Variants in RPS6KA1 observed in about 807,000 individuals in gnomAD.
RPS6KA1 encodes the protein ribosomal protein S6 kinase alpha-1.
Under a neutral mutation model 91.3 loss-of-function variants are expected in RPS6KA1, and 48 were observed. The ratio of observed to expected loss-of-function variants is 0.53; its 90% confidence interval spans 0.42 to 0.67. The LOEUF is 0.67. Ranked by LOEUF, RPS6KA1 falls within the 30% of genes least tolerant of loss-of-function variation. The pLI is 0.00. For missense variants in RPS6KA1, 719 were observed against 960.5 expected, an observed-to-expected ratio of 0.75 and a Z score of 3.32; for synonymous variants, 359 against 384.7, an observed-to-expected ratio of 0.93 and a Z score of 0.78.
intron 17 of RPS6KA1, among the ~76,000 whole-genome samples, chr1:26,568,050 C>T (rs1191290220): frequency 6.6e-6 from 1 of 152,116 alleles, no homozygotes; most frequent in Non-Finnish European, 1.5e-5. Context: ...TTTTGTTTGG[C>T]CTGCAAGATA....
At chr1:26,543,018 G>C (rs529606975) in intron 2 of RPS6KA1, 1 of 859,070 alleles carries the variant, frequency 1.2e-6, no homozygotes, top group African/African-American at 1.7e-5. Context: ...AGAGGAGCCT[G>C]ACCCATCATC....
chr1:26,530,136 C>G (rs1390719866), intron 1 of RPS6KA1, among the ~76,000 whole-genome samples, 153 bp downstream of exon 1: 2 of 152,138 alleles, frequency 1.3e-5, no homozygotes, highest in African/African-American at 4.8e-5. Context: ...CTCCACCCCC[C>G]TATGCCCGGG....
At chr1:26,557,315 C>T (rs898958737) in intron 13 of RPS6KA1, among the ~76,000 whole-genome samples, 4 of 152,086 alleles carry the variant, frequency 2.6e-5, no homozygotes, top group Non-Finnish European at 5.9e-5. Context: ...CTCTTTGTGT[C>T]TGGTGAGAGA....
At chr1:26,545,110 C>A (rs2075981222) in intron 2 of RPS6KA1, among the ~76,000 whole-genome samples, 1 of 151,852 alleles carries the variant, frequency 6.6e-6, no homozygotes, top group Non-Finnish European at 1.5e-5. Context: ...TATCCTCCAT[C>A]CCTGCCTGTT....
chr1:26,567,348 C>T (rs2076211700), intron 17 of RPS6KA1, among the ~76,000 whole-genome samples: 1 of 152,030 alleles, frequency 6.6e-6, no homozygotes, highest in Non-Finnish European at 1.5e-5. Context: ...CTGCTTTGGA[C>T]AGCATCTGGT....
intron 2 of RPS6KA1, among the ~76,000 whole-genome samples, chr1:26,541,822 C>T (rs2075950310): frequency 6.6e-6 from 1 of 152,176 alleles, no homozygotes; most frequent in Non-Finnish European, 1.5e-5. Flanking sequence ...TCCGTTAGGG[C>T]CAGGATTGGC....
Position 26,554,059 on chromosome 1 carries a change from G to T in RPS6KA1, c.576-155G>T. Reference sequence around the variant, plus strand: ...AAAAAGATAGGCAACACCCCTGCGTGGTACTGCTACCACCCTGCAACACCC... The same window carrying T: ...AAAAAGATAGGCAACACCCCTGCGTTGTACTGCTACCACCCTGCAACACCC... On this transcript the variant is annotated intron_variant, in intron 7 of 21. Transcript: ENST00000374168. This position sits in a 1 kb window ranked among gnomAD's most constrained non-coding sequence, Gnocchi z 4.6. The T allele has an allele frequency of 1.5e-6, 1 of 677,072 alleles. No homozygotes were observed. 41.9% of individuals were successfully genotyped at this position (677,072 alleles called of 1,614,324 possible). A position where few individuals can be genotyped will look rare whatever the true frequency, so the allele number is the denominator to read the frequency against.
At position 26,547,506 on chromosome 1, in the gene RPS6KA1, T is replaced by C. The variant is rs1418937738; in HGVS notation, c.307+236T>C. ...GAAGGTGGTAATAGGGTAAATGCAA[T>C]GTGTTTGTCAGGGGGCGGGGCCCTC... On this transcript the variant is annotated intron_variant, in intron 4 of 21. Coordinates refer to ENST00000374168, the MANE Select transcript of RPS6KA1 (RefSeq NM_002953.4). The surrounding 1 kb of genome is among the most constrained non-coding windows in gnomAD (Gnocchi z 4.1). The C allele has an allele frequency of 2.0e-6, 1 of 495,636 alleles. No homozygotes were observed. Among genetic ancestry groups the C allele is most frequent in the Non-Finnish European group, 3.7e-6 (1 of 270,912 alleles). 30.7% of individuals were successfully genotyped at this position (495,636 alleles called of 1,614,324 possible).
Position 26,551,305 on chromosome 1 carries a change from G to A in RPS6KA1, c.308-92G>A. Reference sequence around the variant, plus strand: ...GGGCTTTGGGAGCTCAGGCCTGGAGGAACAAGTGGAAAAGAGATCCCTTAG... The same window carrying A: ...GGGCTTTGGGAGCTCAGGCCTGGAGAAACAAGTGGAAAAGAGATCCCTTAG... On this transcript the variant is annotated intron_variant, in intron 4 of 21. Coordinates refer to ENST00000374168, the MANE Select transcript of RPS6KA1 (RefSeq NM_002953.4). This position sits in a 1 kb window ranked among gnomAD's most constrained non-coding sequence, Gnocchi z 4.5. 2 of 1,130,496 alleles carry A rather than the reference G, an allele frequency of 1.8e-6. No individual in the cohort carries two copies. Among genetic ancestry groups the A allele is most frequent in the Non-Finnish European group, 1.3e-6 (1 of 751,920 alleles). The allele number at this position is 1,130,496 out of a possible 1,614,324, so 70.0% of individuals were successfully genotyped here.
chr1:26,538,097 G>T (rs534703067), intron 2 of RPS6KA1, among the ~76,000 whole-genome samples: 18 of 152,266 alleles, frequency 1.2e-4, no homozygotes, highest in African/African-American at 4.3e-4. Flanking sequence ...GACTGAGCTG[G>T]GTAGGATAGG....
At chr1:26,563,797 G>T (rs1014366742) in intron 17 of RPS6KA1, among the ~76,000 whole-genome samples, 11 of 152,076 alleles carry the variant, frequency 7.2e-5, no homozygotes, top group African/African-American at 2.7e-4. Context: ...ATTAGCTTCA[G>T]TTTTTTGGGG....
chr1:26,548,707 A>G (rs2076018684), intron 4 of RPS6KA1, among the ~76,000 whole-genome samples: 1 of 151,932 alleles, frequency 6.6e-6, no homozygotes, highest in South Asian at 2.1e-4. Flanking sequence ...GTTGAGGCAC[A>G]AGAATTGCTT....
chr1:26,561,797 T>A lies in RPS6KA1; in HGVS notation c.1590+134T>A. 1.2e-6 allele frequency: 1 copy of A among 843,670 alleles called. No homozygotes were observed. Among genetic ancestry groups the A allele is most frequent in the South Asian group, 1.7e-5 (1 of 58,278 alleles). The allele number at this position is 843,670 out of a possible 1,614,324, so 52.3% of individuals were successfully genotyped here. A position where few individuals can be genotyped will look rare whatever the true frequency, so the allele number is the denominator to read the frequency against. The stretch of plus-strand genomic sequence containing the variant: ...TGAGGGGACACTAGGGCTGGGTGGG[T>A]GGATGCGTGCAAAGGAAGGAGGGAG... On this transcript the variant is annotated intron_variant, in intron 17 of 21. Coordinates refer to ENST00000374168, the MANE Select transcript of RPS6KA1 (RefSeq NM_002953.4). This position sits in a 1 kb window ranked among gnomAD's most constrained non-coding sequence, Gnocchi z 5.7.
rs2076140766 is a variant in RPS6KA1, at chr1:26,560,062, AAAAT to A, written c.1216-652_1216-649del. Reference sequence around the variant, plus strand: ...GCAACAGCGTAAGACTCTGTCTCAAAAAATAAATAAATAAAATAAAAAATAAAGT... The same window carrying A: ...GCAACAGCGTAAGACTCTGTCTCAAAAAATAAATAAAATAAAAAATAAAGT... On this transcript the variant is annotated intron_variant, in intron 14 of 21. Coordinates refer to ENST00000374168, the MANE Select transcript of RPS6KA1 (RefSeq NM_002953.4). Among the ~76,000 whole-genome samples, 4 of 152,384 alleles carry A rather than the reference AAAAT, an allele frequency of 2.6e-5. No homozygotes were observed. In the South Asian group the frequency reaches 8.3e-4, roughly 32 times the overall value.
intron 4 of RPS6KA1, among the ~76,000 whole-genome samples, chr1:26,549,096 C>T (rs1274171652): frequency 4.0e-5 from 6 of 149,990 alleles, no homozygotes; most frequent in Non-Finnish European, 5.9e-5. Flanking sequence ...ATGGCAGTGA[C>T]GAATGAATAG....
chr1:26,547,950 A>G lies in RPS6KA1; in HGVS notation c.307+680A>G, dbSNP rs544817498. Reference sequence around the variant, plus strand: ...TTTGGGAGGCTGAGGTGGGCGGGTCATTTGAGGTCAGGAGTTCAAGACCTG... The same window carrying G: ...TTTGGGAGGCTGAGGTGGGCGGGTCGTTTGAGGTCAGGAGTTCAAGACCTG... On this transcript the variant is annotated intron_variant, in intron 4 of 21. Coordinates refer to ENST00000374168, the MANE Select transcript of RPS6KA1 (RefSeq NM_002953.4). The surrounding 1 kb of genome is among the most constrained non-coding windows in gnomAD (Gnocchi z 4.1). Among the ~76,000 whole-genome samples the G allele has an allele frequency of 1.1e-4, 17 of 152,280 alleles. No homozygotes were observed. In the South Asian group the frequency reaches 3.5e-3, roughly 32 times the overall value.
intron 2 of RPS6KA1, among the ~76,000 whole-genome samples, chr1:26,545,247 G>T (rs1298180604): frequency 6.7e-6 from 1 of 150,146 alleles, no homozygotes; most frequent in Non-Finnish European, 1.5e-5. Context: ...TCGGCTCACT[G>T]CAAGCTCCGC....
At position 26,555,263 on chromosome 1, in the gene RPS6KA1, G is replaced by A; in HGVS notation, c.827+42G>A. 4 of 1,590,660 alleles carry A rather than the reference G, an allele frequency of 2.5e-6. No individual in the cohort carries two copies. The highest frequency in any genetic ancestry group is 3.5e-6 in the Non-Finnish European group (4 of 1,159,420). ...CCCTGATAACAATGGACTCCTCCAA[G>A]CCCCAGCCCCAGTTTGGGGGTCAGA... is the stretch of plus-strand genomic sequence containing the variant. On this transcript the variant is annotated intron_variant, in intron 10 of 21. Coordinates refer to ENST00000374168, the MANE Select transcript of RPS6KA1 (RefSeq NM_002953.4). The surrounding 1 kb of genome is among the most constrained non-coding windows in gnomAD (Gnocchi z 4.3).
chr1:26,557,242 C>T lies in RPS6KA1; in HGVS notation c.1084+142C>T, dbSNP rs539645072. 6.2e-5 allele frequency: 40 copies of T among 643,296 alleles called. 1 individual carries two copies. Among genetic ancestry groups the T allele is most frequent in the African/African-American group, 3.6e-4 (20 of 55,824 alleles). 39.8% of individuals were successfully genotyped at this position (643,296 alleles called of 1,614,324 possible). On this transcript the variant is annotated intron_variant, in intron 13 of 21. Coordinates refer to ENST00000374168, the MANE Select transcript of RPS6KA1 (RefSeq NM_002953.4). Reference sequence around the variant, plus strand: ...GGGCAGGCGGGTGAGTTTCTGGCTCCGTGGGACTGACTTTGTCCCTGTCTC... The same window carrying T: ...GGGCAGGCGGGTGAGTTTCTGGCTCTGTGGGACTGACTTTGTCCCTGTCTC...
Sources: gnomAD v4.1 joint callset for allele counts (sites outside exome capture counted in the v4.1 genomes callset) on GRCh38, gnomAD v4.1.1 for gene constraint, Gnocchi (gnomAD v3.1) non-coding constraint, MANE v1.5 for transcripts, NCBI Gene and HGNC (gene_info 2026-07-23, HGNC 2026-07-21) for gene names.